The following CIMIP2A variants were observed in gnomAD, a reference collection of about 807,000 sequenced individuals.
CIMIP2A encodes the protein ciliary microtubule inner protein 2A, also known as family with sequence similarity 166 member A.
the CIMIP2A span, chr9:137,251,887 G>C: frequency 6.2e-7 from 1 of 1,607,700 alleles, no homozygotes; most frequent in Non-Finnish European, 8.5e-7. Flanking sequence ...CAGACCCTGA[G>C]GGAACTATGT....
At chr9:137,252,088 C>T in the CIMIP2A span, 7 of 1,612,480 alleles carry the variant, frequency 4.3e-6, no homozygotes, top group Middle Eastern at 3.3e-4. Flanking sequence ...GTACGAGAGT[C>T]CTCCCCACAC....
the CIMIP2A span, chr9:137,247,869 A>C: frequency 1.3e-5 from 9 of 708,928 alleles, no homozygotes; most frequent in Non-Finnish European, 1.2e-5. Context: ...GAGGGCCCAC[A>C]TTGCACAGGT....
chr9:137,252,087 T>G, the CIMIP2A span: 2 of 1,611,848 alleles, frequency 1.2e-6, no homozygotes, highest in Non-Finnish European at 1.7e-6. Context: ...CGTACGAGAG[T>G]CCTCCCCACA....
the CIMIP2A span, among the ~76,000 whole-genome samples, chr9:137,254,306 C>A: frequency 2.0e-5 from 3 of 152,256 alleles, no homozygotes; most frequent in Admixed American, 2.0e-4. Flanking sequence ...TGGATCAAGG[C>A]ACTGGAACCC....
the CIMIP2A span, chr9:137,245,689 G>A: frequency 1.9e-4 from 303 of 1,604,938 alleles, 1 homozygote; most frequent in African/African-American, 1.1e-4. Context: ...GGGAACCCTC[G>A]GGGGCTTGGA....
the CIMIP2A span, chr9:137,253,516 C>G: frequency 7.1e-7 from 1 of 1,418,318 alleles, no homozygotes; most frequent in Non-Finnish European, 9.2e-7. Flanking sequence ...GTCCTTCACC[C>G]GGGGGCGGTC....
At chr9:137,252,716 A>G in the CIMIP2A span, 1 of 1,553,776 alleles carries the variant, frequency 6.4e-7, no homozygotes. Context: ...CCCCGCCTTC[A>G]GCTTCAGAGG....
the CIMIP2A span, chr9:137,252,699 C>G: frequency 2.5e-5 from 38 of 1,550,792 alleles, no homozygotes; most frequent in Middle Eastern, 3.3e-4. Flanking sequence ...CTCAGCCGGC[C>G]CGCCTTCCCC....
the CIMIP2A span, chr9:137,251,193 T>C: frequency 1.1e-6 from 1 of 932,086 alleles, no homozygotes; most frequent in Non-Finnish European, 1.8e-6. Flanking sequence ...GGCCAGACAA[T>C]GTGTCTTCCT....
chr9:137,251,921 C>G, the CIMIP2A span: 42 of 1,600,676 alleles, frequency 2.6e-5, no homozygotes, highest in East Asian at 9.3e-4. Context: ...GGCCACCCCA[C>G]CCCCAAGCTG....
At chr9:137,245,007 C>T in the CIMIP2A span, 3 of 1,609,288 alleles carry the variant, frequency 1.9e-6, no homozygotes, top group South Asian at 2.2e-5. Context: ...GCCCCTGTGG[C>T]AGCCTCCTCA....
the CIMIP2A span, chr9:137,253,038 C>G: frequency 2.0e-6 from 3 of 1,532,414 alleles, no homozygotes; most frequent in Non-Finnish European, 2.6e-6. Flanking sequence ...GGTTCAGGGG[C>G]CGGGGGTGGG....
At chr9:137,253,944 C>T in the CIMIP2A span, among the ~76,000 whole-genome samples, 34 of 152,332 alleles carry the variant, frequency 2.2e-4, no homozygotes, top group East Asian at 5.0e-3. Flanking sequence ...CAGGGCCCTG[C>T]AGACTCCACT....
At chr9:137,244,353 C>G in the CIMIP2A span, 1 of 1,605,662 alleles carries the variant, frequency 6.2e-7, no homozygotes, top group Non-Finnish European at 8.5e-7. Context: ...TCAAGTTGTC[C>G]CAGTGGGGGC....
the CIMIP2A span, chr9:137,253,525 T>A: frequency 7.1e-6 from 10 of 1,407,278 alleles, no homozygotes; most frequent in African/African-American, 1.5e-5. Context: ...CCGGGGGCGG[T>A]CCTAGAGATA....
the CIMIP2A span, chr9:137,244,680 C>A: frequency 1.1e-5 from 17 of 1,613,870 alleles, 1 homozygote; most frequent in South Asian, 1.6e-4. Context: ...TGCATGACGC[C>A]GTCTCGGTAA....
At chr9:137,243,922 A>G in the CIMIP2A span, 2 of 1,073,164 alleles carry the variant, frequency 1.9e-6, no homozygotes, top group East Asian at 2.4e-5. Context: ...TTGCTTGTTG[A>G]AGGCAGGCCT....
At chr9:137,243,929 G>T in the CIMIP2A span, 26 of 1,038,914 alleles carry the variant, frequency 2.5e-5, no homozygotes, top group Non-Finnish European at 3.3e-5. Context: ...TTGAAGGCAG[G>T]CCTGTCCTGT....
chr9:137,249,069 G>C, the CIMIP2A span, among the ~76,000 whole-genome samples: 1 of 151,808 alleles, frequency 6.6e-6, no homozygotes, highest in Non-Finnish European at 1.5e-5. Flanking sequence ...TGTTAGCCAG[G>C]ATGGTCTCGA....
Sources: allele counts gnomAD v4.1 joint callset (sites outside exome capture counted in the v4.1 genomes callset), GRCh38; gene constraint gnomAD v4.1.1; transcripts MANE v1.5; gene names NCBI Gene and HGNC (gene_info 2026-07-23, HGNC 2026-07-21).